USP48: variants seen among roughly 807,000 people sequenced by gnomAD.
The protein encoded by USP48 is ubiquitin carboxyl-terminal hydrolase 48.
A neutral mutation model predicts 150.7 loss-of-function variants in USP48; 43 were observed. The observed-to-expected ratio is 0.29, with a 90% CI of 0.22 to 0.37. The LOEUF (loss-of-function observed/expected upper bound fraction) is 0.37. Among genes scored for constraint, USP48 ranks in the 10% least tolerant of loss-of-function variants. The pLI is 1.00. For missense variants in USP48, 813 were observed against 1,249.6 expected, an observed-to-expected ratio of 0.65 and a Z score of 5.27; for synonymous variants, 396 against 425.9, an observed-to-expected ratio of 0.93 and a Z score of 0.86.
chr1:21,708,825 C>T (rs991904679), intron 15 of USP48, among the ~76,000 whole-genome samples: 7 of 135,540 alleles, frequency 5.2e-5, no homozygotes, highest in African/African-American at 2.0e-4. Context: ...GCAGAGGTTG[C>T]AGTGAGCCAA....
chr1:21,730,893 TG>T (rs2097755218), intron 9 of USP48, among the ~76,000 whole-genome samples: 1 of 151,712 alleles, frequency 6.6e-6, no homozygotes, highest in Admixed American at 6.6e-5. Context: ...CTCAAGTAGC[TG>T]GGATTACAGG....
intron 1 of USP48, among the ~76,000 whole-genome samples, chr1:21,779,670 T>C (rs562163965): frequency 6.6e-6 from 1 of 152,282 alleles, no homozygotes; most frequent in South Asian, 2.1e-4. Context: ...ACACTAATGT[T>C]CATAGCAACA....
intron 3 of USP48, 140 bp from the exon 4 acceptor site, chr1:21,753,259 T>A: frequency 2.1e-6 from 2 of 969,904 alleles, no homozygotes; most frequent in Non-Finnish European, 2.8e-6. Context: ...TTTAAAACTT[T>A]AAAAGAAATA....
At chr1:21,692,778 A>G (rs1455040851) in intron 23 of USP48, among the ~76,000 whole-genome samples, 1 of 152,198 alleles carries the variant, frequency 6.6e-6, no homozygotes, top group Non-Finnish European at 1.5e-5. Flanking sequence ...GGGGACAGTC[A>G]GTTCCATGAA....
Position 21,752,518 on chromosome 1 carries a change from C to T in USP48, c.665+9G>A. 1 of 1,602,528 alleles carries T rather than the reference C, an allele frequency of 6.2e-7. No homozygotes were observed. The highest frequency in any genetic ancestry group is 8.5e-7 in the Non-Finnish European group (1 of 1,177,398). ...AAAATGTACCATGAAAAAGTTGAAA[C>T]AGACTTACACAGTTACATAGGCATA... On this transcript the variant is annotated intron_variant, in intron 5 of 26. Transcript: ENST00000308271.
chr1:21,683,787 C>T (rs1395466180), intron 25 of USP48, among the ~76,000 whole-genome samples: 1 of 152,184 alleles, frequency 6.6e-6, no homozygotes, highest in Non-Finnish European at 1.5e-5. Context: ...ACCAACCTCC[C>T]TTCATATGGC....
At chr1:21,734,406 T>A (rs7412593) in intron 9 of USP48, among the ~76,000 whole-genome samples, 1 of 152,084 alleles carries the variant, frequency 6.6e-6, no homozygotes, top group Middle Eastern at 3.4e-3. Flanking sequence ...CTCAAAAAAA[T>A]ATATAAATAA....
intron 14 of USP48, among the ~76,000 whole-genome samples, chr1:21,720,204 A>G (rs539389620): frequency 1.3e-5 from 2 of 152,352 alleles, no homozygotes; most frequent in South Asian, 4.1e-4. Context: ...AGTGTGGCAG[A>G]TAATCCAAAA....
intron 8 of USP48, among the ~76,000 whole-genome samples, chr1:21,738,308 T>C (rs560452960): frequency 3.3e-5 from 5 of 150,388 alleles, no homozygotes; most frequent in East Asian, 3.9e-4. Flanking sequence ...TCCATCTGCC[T>C]CGGCCTCCCA....
intron 1 of USP48, among the ~76,000 whole-genome samples, chr1:21,780,862 C>T (rs1364271969): frequency 1.3e-5 from 2 of 150,404 alleles, no homozygotes; most frequent in African/African-American, 4.9e-5. Flanking sequence ...CTGCCTCAGC[C>T]ACCCCAGTAG....
intron 24 of USP48, among the ~76,000 whole-genome samples, chr1:21,689,740 C>T (rs1301994532): frequency 1.3e-5 from 2 of 152,076 alleles, no homozygotes; most frequent in Admixed American, 1.3e-4. Context: ...GATGCTGTGG[C>T]GTAACATCAC....
At chr1:21,719,290 A>G (rs2097713235) in intron 14 of USP48, among the ~76,000 whole-genome samples, 1 of 137,298 alleles carries the variant, frequency 7.3e-6, no homozygotes, top group African/African-American at 2.8e-5. Context: ...TCAAAAAAGT[A>G]AAAAAAAAAA....
intron 23 of USP48, 142 bp from the exon 24 acceptor site, chr1:21,690,241 C>T: frequency 1.0e-6 from 1 of 962,424 alleles, no homozygotes; most frequent in Non-Finnish European, 1.5e-6. Context: ...AGTCAGCCTA[C>T]TTGTTATACT....
intron 14 of USP48, among the ~76,000 whole-genome samples, chr1:21,720,232 T>C (rs2097716349): frequency 6.6e-6 from 1 of 152,214 alleles, no homozygotes; most frequent in Non-Finnish European, 1.5e-5. Context: ...GTACTGAGCA[T>C]ACAATATATT....
At chr1:21,773,484 G>C (rs1478179444) in intron 1 of USP48, among the ~76,000 whole-genome samples, 2 of 151,830 alleles carry the variant, frequency 1.3e-5, no homozygotes, top group Admixed American at 1.3e-4. Context: ...CAAAACATGA[G>C]ATCCTATCTC....
chr1:21,692,864 C>T (rs1010377205), intron 23 of USP48, among the ~76,000 whole-genome samples: 4 of 152,058 alleles, frequency 2.6e-5, no homozygotes, highest in African/African-American at 9.7e-5. Context: ...ATGGAACAGG[C>T]CAACCAAGGC....
chr1:21,701,297 C>T (rs1357260177), intron 22 of USP48, among the ~76,000 whole-genome samples: 1 of 144,552 alleles, frequency 6.9e-6, no homozygotes, highest in Non-Finnish European at 1.5e-5. Context: ...ACCCAGGAGG[C>T]GGACATTGTG....
intron 20 of USP48, 23 bp downstream of exon 20, chr1:21,704,239 C>T: frequency 6.2e-7 from 1 of 1,603,774 alleles, no homozygotes; most frequent in Non-Finnish European, 8.5e-7. Flanking sequence ...ACTATAGAAA[C>T]CGAAAGCAAT....
intron 9 of USP48, among the ~76,000 whole-genome samples, chr1:21,732,513 A>G (rs2097759452): frequency 6.6e-6 from 1 of 152,168 alleles, no homozygotes; most frequent in Admixed American, 6.6e-5. Context: ...AAAAAAGTAC[A>G]TTTACAGTAA....
Sources: allele counts gnomAD v4.1 joint callset (sites outside exome capture counted in the v4.1 genomes callset), GRCh38; gene constraint gnomAD v4.1.1; transcripts MANE v1.5; gene names NCBI Gene and HGNC (gene_info 2026-07-23, HGNC 2026-07-21).